Variants in ERBB4 observed in about 807,000 individuals in gnomAD.
ERBB4 encodes erb-b2 receptor tyrosine kinase 4, also known as receptor tyrosine-protein kinase erbB-4.
Under a neutral mutation model 158.0 loss-of-function variants are expected in ERBB4, and 42 were observed. The ratio of observed to expected loss-of-function variants is 0.27; its 90% confidence interval spans 0.21 to 0.34. ERBB4 has a LOEUF of 0.34. Among genes scored for constraint, ERBB4 ranks in the 10% least tolerant of loss-of-function variants. ERBB4 has a pLI of 1.00. For missense variants in ERBB4, 1,333 were observed against 1,624.1 expected (o/e 0.82, Z 3.08); for synonymous variants, 583 against 558.7 (o/e 1.04, Z -0.61).
rs911783527 is a variant in ERBB4 at position 212,214,281 on chromosome 2, G to A, written c.83-89378C>T. Among the ~76,000 whole-genome samples the A allele has an allele frequency of 2.4e-4, 37 of 151,650 alleles. 1 individual carries two copies. The highest frequency in any genetic ancestry group is 8.5e-4 in the African/African-American group (35 of 41,330). ...TGACCAACAGGCACCTGTGGCTCTCGCATGCTTGAGATATATCTAGTGCAA... is the reference window on the plus strand; with the variant it reads ...TGACCAACAGGCACCTGTGGCTCTCACATGCTTGAGATATATCTAGTGCAA... On this transcript the variant is annotated intron_variant, in intron 1 of 27. Coordinates refer to ENST00000342788, the MANE Select transcript of ERBB4 (RefSeq NM_005235.3).
intron 16 of ERBB4, 200 bp downstream of exon 16, chr2:211,657,554 T>G: frequency 1.7e-6 from 1 of 599,988 alleles, no homozygotes; most frequent in South Asian, 1.9e-5. Context: ...CTGGGACTCT[T>G]GTATCACAAT....
At chr2:212,308,274 C>T (rs920406797) in intron 1 of ERBB4, among the ~76,000 whole-genome samples, 4 of 151,144 alleles carry the variant, frequency 2.6e-5, no homozygotes, top group Admixed American at 6.6e-5. Context: ...ATAGTATATT[C>T]GGAATCATTC....
chr2:212,090,216 C>T (rs1326899119), intron 2 of ERBB4, among the ~76,000 whole-genome samples: 1 of 99,508 alleles, frequency 1.0e-5, no homozygotes, highest in Non-Finnish European at 2.2e-5. Flanking sequence ...AAGATAATTC[C>T]CGTCAAGGAA....
chr2:212,415,452 A>C (rs531906349), intron 1 of ERBB4, among the ~76,000 whole-genome samples: 1 of 152,184 alleles, frequency 6.6e-6, no homozygotes, highest in East Asian at 1.9e-4. Context: ...GGCATGCTGT[A>C]TACCTGTATT....
intron 4 of ERBB4, among the ~76,000 whole-genome samples, chr2:211,771,313 C>A (rs1489908594): frequency 2.0e-5 from 3 of 150,988 alleles, no homozygotes; most frequent in Non-Finnish European, 3.0e-5. Context: ...AATATTTTTT[C>A]TTCCAACAAG....
At chr2:211,573,222 T>C (rs1274384656) in intron 19 of ERBB4, among the ~76,000 whole-genome samples, 2 of 152,132 alleles carry the variant, frequency 1.3e-5, no homozygotes, top group African/African-American at 4.8e-5. Context: ...GGAACATCTG[T>C]AGCCACCCGC....
At chr2:212,332,498 C>T (rs1255991008) in intron 1 of ERBB4, among the ~76,000 whole-genome samples, 1 of 152,024 alleles carries the variant, frequency 6.6e-6, no homozygotes, top group Non-Finnish European at 1.5e-5. Flanking sequence ...CACTACTCTG[C>T]CTTCACTCTT....
intron 3 of ERBB4, among the ~76,000 whole-genome samples, chr2:211,923,174 A>C (rs1046977977): frequency 3.9e-5 from 6 of 152,168 alleles, no homozygotes; most frequent in African/African-American, 1.2e-4. Context: ...TGCTAGAGGA[A>C]GACAAGACGG....
intron 20 of ERBB4, among the ~76,000 whole-genome samples, chr2:211,488,224 T>C (rs901863335): frequency 1.3e-5 from 2 of 152,126 alleles, no homozygotes; most frequent in African/African-American, 2.4e-5. Context: ...GCTGGACATA[T>C]CTGAGCTACA....
At chr2:211,586,075 G>C (rs2125782151) in intron 19 of ERBB4, among the ~76,000 whole-genome samples, 1 of 152,112 alleles carries the variant, frequency 6.6e-6, no homozygotes, top group East Asian at 1.9e-4. Context: ...ATGAAGTAGA[G>C]TTTTATCAGA....
At chr2:211,391,942 T>G (rs1014579351) in intron 25 of ERBB4, among the ~76,000 whole-genome samples, 6 of 152,216 alleles carry the variant, frequency 3.9e-5, no homozygotes, top group African/African-American at 1.4e-4. Context: ...AGTCACTTTC[T>G]AATCTTTAAA....
chr2:212,450,273 T>C (rs1288026014), intron 1 of ERBB4, among the ~76,000 whole-genome samples: 2 of 152,170 alleles, frequency 1.3e-5, no homozygotes, highest in Non-Finnish European at 2.9e-5. Context: ...CCTTGTAATA[T>C]GTGACTATAT....
chr2:211,924,861 T>A (rs902458085), intron 3 of ERBB4, among the ~76,000 whole-genome samples: 1 of 152,222 alleles, frequency 6.6e-6, no homozygotes, highest in Non-Finnish European at 1.5e-5. Flanking sequence ...ATTAAAGACG[T>A]ACGTTTATCC....
intron 2 of ERBB4, among the ~76,000 whole-genome samples, chr2:212,037,155 GT>G (rs988940915): frequency 6.6e-6 from 1 of 151,894 alleles, no homozygotes; most frequent in Non-Finnish European, 1.5e-5. Flanking sequence ...TGTTTGTTTT[GT>G]TTTTTTGTTT....
At chr2:212,267,144 T>C (rs866639486) in intron 1 of ERBB4, among the ~76,000 whole-genome samples, 12 of 152,126 alleles carry the variant, frequency 7.9e-5, no homozygotes, top group Middle Eastern at 3.4e-3. Flanking sequence ...TTCAGTTGCC[T>C]CTTGCTCAAC....
chr2:211,691,584 GTGTGTGTGTGTGTGTGTGTA>G (rs1225391589), intron 12 of ERBB4, among the ~76,000 whole-genome samples: 2 of 145,582 alleles, frequency 1.4e-5, no homozygotes, highest in Non-Finnish European at 3.0e-5. Context: ...GTGTGTGTGT[GTGTGTGTGTGTGTGTGTGTA>G]TATATATAAC....
In ERBB4 at chr2:211,416,853, C is replaced by A. The variant is rs566135444; in HGVS notation, c.3135+3588G>T. On this transcript the variant is annotated intron_variant, in intron 25 of 27. Coordinates refer to ENST00000342788, the MANE Select transcript of ERBB4 (RefSeq NM_005235.3). ...TTTAACCCTACACAGCTTTCCCACT[C>A]CTCTGCGGGCCTTTAAGTCTCTGCC... Among the ~76,000 whole-genome samples, 3 of 151,420 alleles carry A rather than the reference C, an allele frequency of 2.0e-5. No individual in the cohort carries two copies. The East Asian group carries it at 5.8e-4, about 29-fold the overall frequency.
chr2:211,483,663 T>C (rs533570204), intron 20 of ERBB4, among the ~76,000 whole-genome samples: 70 of 152,214 alleles, frequency 4.6e-4, no homozygotes, highest in Admixed American at 1.4e-3. Flanking sequence ...GTGATTCTCA[T>C]GCCTCAGCCT....
At chr2:211,600,158 A>AAAAAC (rs2068757131) in intron 19 of ERBB4, among the ~76,000 whole-genome samples, 1 of 152,204 alleles carries the variant, frequency 6.6e-6, no homozygotes, top group Non-Finnish European at 1.5e-5. Context: ...CCCAATAGGA[A>AAAAAC]AAAACAAAAC....
Sources: allele counts gnomAD v4.1 joint callset (sites outside exome capture counted in the v4.1 genomes callset), GRCh38; gene constraint gnomAD v4.1.1; transcripts MANE v1.5; gene names NCBI Gene and HGNC (gene_info 2026-07-23, HGNC 2026-07-21).